CDHR2: variants seen among roughly 807,000 people sequenced by gnomAD.
The protein encoded by CDHR2 is cadherin-related family member 2.
Under a neutral mutation model 138.6 loss-of-function variants are expected in CDHR2, and 104 were observed. That is an observed-to-expected ratio of 0.75 (90% confidence interval 0.64 to 0.88). The LOEUF is 0.88. Among genes scored for constraint, CDHR2 ranks in the 40% least tolerant of loss-of-function variants. The pLI is 0.00. For missense variants in CDHR2, 1,624 were observed against 1,727.6 expected (o/e 0.94, Z 1.06); for synonymous variants, 755 against 742.8 (o/e 1.02, Z -0.27).
In CDHR2 at chr5:176,591,574, G is replaced by A. The variant is rs1056107369; in HGVS notation, c.3734+90G>A. 5 of 986,852 alleles carry A rather than the reference G, an allele frequency of 5.1e-6. No individual in the cohort carries two copies. The African/African-American group carries it at 6.4e-5, about 13-fold the overall frequency. The allele number at this position is 986,852 out of a possible 1,614,324, so 61.1% of individuals were successfully genotyped here. A position where few individuals can be genotyped will look rare whatever the true frequency, so the allele number is the denominator to read the frequency against. ...GGTGATGGTGTTGGTGGTGATGATGGTGATGACAATGGTGATGGTGTGGTC... is the reference window on the plus strand; with the variant it reads ...GGTGATGGTGTTGGTGGTGATGATGATGATGACAATGGTGATGGTGTGGTC... On this transcript the variant is annotated intron_variant, in intron 30 of 31. Coordinates refer to ENST00000261944, the MANE Select transcript of CDHR2 (RefSeq NM_017675.6).
Position 176,591,508 on chromosome 5 carries a change from G to A in CDHR2, c.3734+24G>A, listed in dbSNP as rs369226190. 351 of 1,568,872 alleles carry A rather than the reference G, an allele frequency of 2.2e-4. 2 individuals carry two copies. The African/African-American group carries it at 4.4e-3, about 20-fold the overall frequency. ...AGGTGAGCAGTGCCCCTCACAGCCA[G>A]GCTAGGTGGTGGTGGTGGTACAGGT... On this transcript the variant is annotated intron_variant, in intron 30 of 31. Transcript: ENST00000261944.
chr5:176,556,493 A>T (rs544369630), intron 1 of CDHR2, among the ~76,000 whole-genome samples: 11 of 152,286 alleles, frequency 7.2e-5, no homozygotes, highest in East Asian at 5.8e-4. Flanking sequence ...GGTGAAACCC[A>T]GTCTCTACTA....
At chr5:176,584,320 G>T in intron 18 of CDHR2, 61 bp downstream of exon 18, 1 of 1,613,544 alleles carries the variant, frequency 6.2e-7, no homozygotes, top group Non-Finnish European at 8.5e-7. Context: ...CTTTGTCAGG[G>T]TGGACCTCGA....
intron 1 of CDHR2, among the ~76,000 whole-genome samples, chr5:176,555,547 G>A (rs567126534): frequency 2.8e-4 from 42 of 152,064 alleles, no homozygotes; most frequent in South Asian, 8.3e-4. Context: ...GTTCAGCCCG[G>A]CGACACACAG....
chr5:176,570,396 A>T (rs1400029290), intron 5 of CDHR2, among the ~76,000 whole-genome samples: 1 of 152,122 alleles, frequency 6.6e-6, no homozygotes, highest in African/African-American at 2.4e-5. Flanking sequence ...CCCAGGCTGG[A>T]GTGCAGTGGT....
intron 1 of CDHR2, among the ~76,000 whole-genome samples, chr5:176,562,961 A>G (rs1216327516): frequency 6.6e-6 from 1 of 152,206 alleles, no homozygotes; most frequent in Admixed American, 6.6e-5. Context: ...AAGGTGCATG[A>G]GTAAGCAATC....
chr5:176,573,691 G>A (rs552279988), intron 6 of CDHR2, among the ~76,000 whole-genome samples: 84 of 152,110 alleles, frequency 5.5e-4, no homozygotes, highest in Middle Eastern at 6.8e-3. Flanking sequence ...AGGGGCCCAG[G>A]AGCAGAGTAC....
chr5:176,562,655 A>G (rs1475169239), intron 1 of CDHR2, among the ~76,000 whole-genome samples: 5 of 152,146 alleles, frequency 3.3e-5, no homozygotes, highest in Non-Finnish European at 7.4e-5. Flanking sequence ...CACAAAATAT[A>G]AATCTAGAAA....
intron 18 of CDHR2, 26 bp from the exon 19 acceptor site, chr5:176,584,384 T>C: frequency 1.9e-6 from 3 of 1,602,998 alleles, no homozygotes; most frequent in Non-Finnish European, 2.6e-6. Context: ...TCAGGAGTCC[T>C]TCTGAGCTCT....
chr5:176,584,416 T>C lies in CDHR2; in HGVS notation c.2135T>C (p.Leu712Pro). The C allele has an allele frequency of 6.3e-7, 1 of 1,597,836 alleles. No individual in the cohort carries two copies. Among genetic ancestry groups the C allele is most frequent in the East Asian group, 2.2e-5 (1 of 44,676 alleles). Residue 712 changes from leucine (L) to proline (P), a missense_variant, in exon 19 of 32, where the codon CTA becomes CCA. Leu to Pro is a moderately conservative substitution (Grantham distance 98, BLOSUM62 -3). Transcript: ENST00000261944. ...FTVKEEDPGVLVGVVKAWDAD... is the reference protein window; with the variant it reads ...FTVKEEDPGVPVGVVKAWDAD... Reference sequence around the variant, plus strand: ...CTCTGCCCCTTGTCCACAGGAGTGCTAGTGGGCGTGGTGAAGGCCTGGGAC... The same window carrying C: ...CTCTGCCCCTTGTCCACAGGAGTGCCAGTGGGCGTGGTGAAGGCCTGGGAC...
chr5:176,556,035 T>TC (rs1350403211), intron 1 of CDHR2, among the ~76,000 whole-genome samples: 1 of 152,190 alleles, frequency 6.6e-6, no homozygotes, highest in Non-Finnish European at 1.5e-5. Context: ...CCTGCCTCCC[T>TC]CCCATGATTC....
chr5:176,576,219 G>A lies in CDHR2; in HGVS notation c.1194+34G>A, dbSNP rs756111826. On this transcript the variant is annotated intron_variant, in intron 12 of 31. Transcript: ENST00000261944. The surrounding 1 kb of genome is among the most constrained non-coding windows in gnomAD (Gnocchi z 4.5). Reference sequence around the variant, plus strand: ...GGTGGCGTGGGTGTGGGCGGGGGTGGCTGGGGGAGGCCAGTGGGAGCCTGG... The same window carrying A: ...GGTGGCGTGGGTGTGGGCGGGGGTGACTGGGGGAGGCCAGTGGGAGCCTGG... The A allele has an allele frequency of 1.3e-6, 2 of 1,521,060 alleles. No individual in the cohort carries two copies. Among genetic ancestry groups the A allele is most frequent in the Non-Finnish European group, 1.8e-6 (2 of 1,110,974 alleles). 94.2% of individuals were successfully genotyped at this position (1,521,060 alleles called of 1,614,324 possible). A position where few individuals can be genotyped will look rare whatever the true frequency, so the allele number is the denominator to read the frequency against.
chr5:176,550,865 C>T (rs1043472438), intron 1 of CDHR2, among the ~76,000 whole-genome samples: 5 of 152,146 alleles, frequency 3.3e-5, no homozygotes, highest in Admixed American at 1.3e-4. Context: ...CTCTGAGATG[C>T]GGCTGAAGCC....
intron 2 of CDHR2, 55 bp from the exon 3 acceptor site, chr5:176,565,617 A>T: frequency 6.7e-7 from 1 of 1,498,818 alleles, no homozygotes; most frequent in Non-Finnish European, 9.2e-7. Flanking sequence ...GGGAGCAGGT[A>T]GGGATCGGGT....
intron 6 of CDHR2, 97 bp downstream of exon 6, chr5:176,571,399 T>A: frequency 1.3e-6 from 1 of 798,088 alleles, no homozygotes. Context: ...CATTCAGAGT[T>A]GGGAAAAACC....
rs1758601317 is a variant in CDHR2, at chr5:176,584,413, T to A, written c.2132T>A (p.Val711Glu). 6.3e-7 allele frequency: 1 copy of A among 1,596,986 alleles called. No individual in the cohort carries two copies. The highest frequency in any genetic ancestry group is 8.5e-7 in the Non-Finnish European group (1 of 1,169,682). ...GAGCTCTGCCCCTTGTCCACAGGAGTGCTAGTGGGCGTGGTGAAGGCCTGG... is the reference window on the plus strand; with the variant it reads ...GAGCTCTGCCCCTTGTCCACAGGAGAGCTAGTGGGCGTGGTGAAGGCCTGG... ...NFTVKEEDPG[V>E]LVGVVKAWDA... The change falls in exon 19 of 32, where the codon GTG becomes GAG. Residue 711 changes from valine to glutamate, a missense_variant. Physicochemically the swap from Val to Glu is moderately radical, Grantham distance 121 (BLOSUM62 -2). This residue lies in a region of CDHR2 where 1,061 missense variants were observed against 1,136.6 expected (regional missense o/e 0.93). Coordinates refer to ENST00000261944, the MANE Select transcript of CDHR2 (RefSeq NM_017675.6).
intron 1 of CDHR2, among the ~76,000 whole-genome samples, chr5:176,555,493 A>T (rs1757800468): frequency 6.6e-6 from 1 of 152,092 alleles, no homozygotes; most frequent in African/African-American, 2.4e-5. Context: ...CTGCCTCCAA[A>T]CTATAGCCCT....
intron 30 of CDHR2, 69 bp downstream of exon 30, chr5:176,591,553 A>G: frequency 8.6e-7 from 1 of 1,157,530 alleles, no homozygotes; most frequent in Non-Finnish European, 1.3e-6. Flanking sequence ...GGTGGTGGTG[A>G]TGGTGTTGGT....
intron 19 of CDHR2, 82 bp downstream of exon 19, chr5:176,585,097 G>A: frequency 7.0e-7 from 1 of 1,423,204 alleles, no homozygotes. Context: ...AACTCACAAG[G>A]TCTGGGCTCA....
Sources: allele counts gnomAD v4.1 joint callset (sites outside exome capture counted in the v4.1 genomes callset), GRCh38; gene constraint gnomAD v4.1.1; regional missense constraint gnomAD v4.1.1; non-coding constraint Gnocchi (gnomAD v3.1); transcripts MANE v1.5; gene names NCBI Gene and HGNC (gene_info 2026-07-23, HGNC 2026-07-21).